The following TSHZ2 variants were observed in gnomAD, a reference collection of about 807,000 sequenced individuals.
TSHZ2 encodes teashirt homolog 2.
In TSHZ2, 21 loss-of-function variants were observed where a neutral mutation model predicts 74.4. That is an observed-to-expected ratio of 0.28 (90% CI 0.20 to 0.41). The LOEUF is 0.41. TSHZ2 is among the 10% of genes least tolerant of loss of function. The pLI is 1.00. For synonymous variants in TSHZ2, 540 were observed against 515.3 expected (o/e 1.05, Z -0.65); for missense variants, 1,244 against 1,293.5 (o/e 0.96, Z 0.59).
chr20:53,364,821 C>A (rs986487114), intron 2 of TSHZ2, among the ~76,000 whole-genome samples: 4 of 152,198 alleles, frequency 2.6e-5, no homozygotes, highest in Non-Finnish European at 4.4e-5. Flanking sequence ...GTTTTATGAC[C>A]CTTTTTCATC....
chr20:53,454,349 G>T (rs1280209940), intron 2 of TSHZ2, among the ~76,000 whole-genome samples: 2 of 152,022 alleles, frequency 1.3e-5, no homozygotes, highest in Admixed American at 6.6e-5. Flanking sequence ...AGATCACGAG[G>T]TCAGGATTTT....
intron 2 of TSHZ2, among the ~76,000 whole-genome samples, chr20:53,380,123 A>AGGTTGAT (rs1981803831): frequency 6.7e-6 from 1 of 148,472 alleles, no homozygotes; most frequent in African/African-American, 2.6e-5. Context: ...TTGAGCTTGA[A>AGGTTGAT]GGTTGATGGT....
chr20:53,481,291 G>T (rs929985667), intron 2 of TSHZ2, among the ~76,000 whole-genome samples: 1 of 152,124 alleles, frequency 6.6e-6, no homozygotes, highest in African/African-American at 2.4e-5. Flanking sequence ...AAATAATTTG[G>T]CTAGGCACGG....
At chr20:53,420,522 C>G (rs568322059) in intron 2 of TSHZ2, among the ~76,000 whole-genome samples, 2 of 152,230 alleles carry the variant, frequency 1.3e-5, no homozygotes, top group South Asian at 2.1e-4. Context: ...GCCAGGAGAT[C>G]GAGACCATCC....
intron 1 of TSHZ2, among the ~76,000 whole-genome samples, chr20:53,096,914 A>G (rs1986067115): frequency 6.7e-6 from 1 of 150,352 alleles, no homozygotes; most frequent in Non-Finnish European, 1.5e-5. Context: ...ACCAAAAAAA[A>G]CAAAAAACAA....
At chr20:53,324,150 G>A (rs1359823601) in intron 2 of TSHZ2, among the ~76,000 whole-genome samples, 2 of 152,136 alleles carry the variant, frequency 1.3e-5, no homozygotes, top group African/African-American at 4.8e-5. Flanking sequence ...GTTTTTGAGA[G>A]AATGCCTCCA....
chr20:53,396,659 C>A (rs925727957), intron 2 of TSHZ2, among the ~76,000 whole-genome samples: 3 of 151,910 alleles, frequency 2.0e-5, no homozygotes, highest in African/African-American at 4.8e-5. Flanking sequence ...CCAGCCTGGG[C>A]AACATGGCAA....
chr20:53,253,968 A>C lies in TSHZ2; in HGVS notation c.510A>C (p.Gln170His). ...ACAAGAGTGATTTTGATTGGCACCA[A>C]GACGCTCTGTCCAAAAGCCTGCAGC... ...GSNKSDFDWH[Q>H]DALSKSLQQN... Residue 170 changes from glutamine (Q) to histidine (H), a missense_variant, in exon 2 of 3, where the codon CAA becomes CAC. This residue lies in a region of TSHZ2 where 470 missense variants were observed against 456.5 expected (regional missense o/e 1.03). Coordinates refer to ENST00000371497, the MANE Select transcript of TSHZ2 (RefSeq NM_173485.6). 6.2e-7 allele frequency: 1 copy of C among 1,614,134 alleles called. No homozygotes were observed.
chr20:53,162,139 A>G (rs1987955341), intron 1 of TSHZ2, among the ~76,000 whole-genome samples: 1 of 152,188 alleles, frequency 6.6e-6, no homozygotes, highest in Non-Finnish European at 1.5e-5. Flanking sequence ...AACCCTTCCA[A>G]GAGTGTTTTG....
In TSHZ2 at chr20:53,473,516, T is replaced by C. The variant is rs1347398499; in HGVS notation, c.*9-13628T>C. 1.5e-5 allele frequency among the ~76,000 whole-genome samples: 2 copies of C among 136,756 alleles called. 1 individual carries two copies. Among genetic ancestry groups the C allele is most frequent in the Non-Finnish European group, 3.1e-5 (2 of 64,068 alleles). 89.7% of individuals were successfully genotyped at this position (136,756 alleles called of 152,430 possible). ...CCAAAAACCCATCTGTACATCACCA[T>C]CATCAAAGACCAAAAGTAGATAAAA... is the stretch of plus-strand genomic sequence containing the variant. On this transcript the variant is annotated intron_variant, in intron 2 of 2. Coordinates refer to ENST00000371497, the MANE Select transcript of TSHZ2 (RefSeq NM_173485.6).
rs1181223307 is a variant in TSHZ2 at position 53,490,214 on chromosome 20, A to C, written c.*3079A>C. 3 of 152,230 alleles carry C rather than the reference A, an allele frequency of 2.0e-5. No individual in the cohort carries two copies. The highest frequency in any genetic ancestry group is 4.4e-5 in the Non-Finnish European group (3 of 68,036). 9.4% of individuals were successfully genotyped at this position (152,230 alleles called of 1,614,324 possible). On this transcript the variant is annotated 3_prime_UTR_variant, in exon 3 of 3. Transcript: ENST00000371497. Reference sequence around the variant, plus strand: ...TGTTACATATTTGGCCCTATTTTGTAGTTCAGCAAATCCTCCAAATACACA... The same window carrying C: ...TGTTACATATTTGGCCCTATTTTGTCGTTCAGCAAATCCTCCAAATACACA...
chr20:53,430,635 A>G lies in TSHZ2; in HGVS notation c.*9-56509A>G, dbSNP rs144890354. ...ACTTGAGCCCAGGAATTCAAGATTA[A>G]CCTGGGCAACATAGTGAGACCCCAT... is the stretch of plus-strand genomic sequence containing the variant. On this transcript the variant is annotated intron_variant, in intron 2 of 2. Coordinates refer to ENST00000371497, the MANE Select transcript of TSHZ2 (RefSeq NM_173485.6). Among the ~76,000 whole-genome samples the G allele has an allele frequency of 1.9e-3, 287 of 151,986 alleles. 1 individual carries two copies. The highest frequency in any genetic ancestry group is 6.5e-3 in the African/African-American group (271 of 41,468).
intron 1 of TSHZ2, among the ~76,000 whole-genome samples, chr20:53,014,571 C>T (rs191691150): frequency 1.1e-3 from 166 of 152,218 alleles, no homozygotes; most frequent in Admixed American, 1.8e-3. Flanking sequence ...TGCTCTCTGC[C>T]CTGCCTCAAG....
At chr20:53,381,814 G>A (rs1981867612) in intron 2 of TSHZ2, among the ~76,000 whole-genome samples, 1 of 152,136 alleles carries the variant, frequency 6.6e-6, no homozygotes, top group Non-Finnish European at 1.5e-5. Flanking sequence ...GCAGGTAGTA[G>A]GGACTGCTCT....
At chr20:53,268,279 C>G (rs1279264567) in intron 2 of TSHZ2, among the ~76,000 whole-genome samples, 1 of 152,144 alleles carries the variant, frequency 6.6e-6, no homozygotes, top group Non-Finnish European at 1.5e-5. Context: ...GAATTACTTA[C>G]TATTCATTTC....
intron 2 of TSHZ2, among the ~76,000 whole-genome samples, chr20:53,432,981 A>G (rs916935075): frequency 1.3e-5 from 2 of 152,198 alleles, no homozygotes; most frequent in African/African-American, 4.8e-5. Flanking sequence ...TCTTTTGATC[A>G]TTGCCTTACA....
At chr20:53,458,446 CTCTT>C (rs1456503002) in intron 2 of TSHZ2, among the ~76,000 whole-genome samples, 1 of 152,122 alleles carries the variant, frequency 6.6e-6, no homozygotes, top group Non-Finnish European at 1.5e-5. Context: ...TGATTCTTCT[CTCTT>C]TTTTTCTTTA....
At chr20:53,147,168 T>C (rs1200592131) in intron 1 of TSHZ2, among the ~76,000 whole-genome samples, 1 of 152,242 alleles carries the variant, frequency 6.6e-6, no homozygotes, top group Admixed American at 6.5e-5. Context: ...TTTCCTCATG[T>C]GACTCTCATT....
intron 1 of TSHZ2, among the ~76,000 whole-genome samples, chr20:53,054,476 A>G (rs1043886100): frequency 6.6e-6 from 1 of 152,230 alleles, no homozygotes. Flanking sequence ...AAAATATTAC[A>G]CAGTGTGAAC....
Sources: allele counts gnomAD v4.1 joint callset (sites outside exome capture counted in the v4.1 genomes callset), GRCh38; gene constraint gnomAD v4.1.1; regional missense constraint gnomAD v4.1.1; transcripts MANE v1.5; gene names NCBI Gene and HGNC (gene_info 2026-07-23, HGNC 2026-07-21).